Variants in HDAC2 observed in about 807,000 individuals in gnomAD.
HDAC2 encodes YY1-associated factor 1.
In HDAC2, 5 loss-of-function variants were observed where a neutral mutation model predicts 68.5. The observed-to-expected ratio is 0.07, with a 90% confidence interval of 0.04 to 0.15. The LOEUF is 0.15. Ranked by LOEUF, HDAC2 falls within the 10% of genes least tolerant of loss-of-function variation. The pLI, the probability that HDAC2 is intolerant of heterozygous loss-of-function variation, is 1.00. For synonymous variants in HDAC2, 182 were observed against 191.3 expected (o/e 0.95, Z 0.40); for missense variants, 291 against 600.8 (o/e 0.48, Z 5.39).
intron 8 of HDAC2, chr6:113,948,675 C>A: frequency 3.8e-6 from 1 of 263,590 alleles, no homozygotes; most frequent in Non-Finnish European, 7.1e-6. Context: ...ATAAATAATC[C>A]AATTAAGTAA....
At chr6:113,946,256 T>C in intron 8 of HDAC2, 108 bp from the exon 9 acceptor site, 1 of 797,514 alleles carries the variant, frequency 1.3e-6, no homozygotes, top group Non-Finnish European at 1.9e-6. Context: ...AAAATGGGTT[T>C]TCTAAATATT....
chr6:113,959,594 T>C (rs1157923483), intron 2 of HDAC2: 1 of 134,330 alleles, frequency 7.4e-6, no homozygotes, highest in African/African-American at 3.1e-5. Flanking sequence ...TAACAATTAT[T>C]GTAAAAAAAA....
chr6:113,941,111 A>T (rs765617422), intron 13 of HDAC2, 23 bp from the exon 14 acceptor site: 6 of 1,600,100 alleles, frequency 3.7e-6, no homozygotes, highest in Non-Finnish European at 5.1e-6. Context: ...GCAATGTGAA[A>T]TATTAAAAAT....
chr6:113,957,629 C>G (rs899902822), intron 3 of HDAC2, among the ~76,000 whole-genome samples: 2 of 151,952 alleles, frequency 1.3e-5, no homozygotes, highest in Non-Finnish European at 2.9e-5. Flanking sequence ...GGATTACAGG[C>G]GCGCACCACC....
rs1165912135 is a variant in HDAC2, at chr6:113,959,897, A to C, written c.165+9T>G. On this transcript the variant is annotated intron_variant, in intron 2 of 13. Coordinates refer to ENST00000519065, the MANE Select transcript of HDAC2 (RefSeq NM_001527.4). ...TCAGTGCTGAATATGTATTAAAAGG[A>C]ATACTCACATATATTTCCATTTTTC... is the stretch of plus-strand genomic sequence containing the variant. 1 of 1,111,804 alleles carries C rather than the reference A, an allele frequency of 9.0e-7. No homozygotes were observed. The highest frequency in any genetic ancestry group is 1.6e-5 in the African/African-American group (1 of 64,230). The allele number at this position is 1,111,804 out of a possible 1,614,324, so 68.9% of individuals were successfully genotyped here.
Position 113,937,178 on chromosome 6 carries a change from TTAC to T in HDAC2, c.*3877_*3879del, listed in dbSNP as rs1776020064. 1.3e-5 allele frequency: 2 copies of T among 152,136 alleles called. No homozygotes were observed. The highest frequency in any genetic ancestry group is 4.8e-5 in the African/African-American group (2 of 41,422). The allele number at this position is 152,136 out of a possible 1,614,324, so 9.4% of individuals were successfully genotyped here. A position where few individuals can be genotyped will look rare whatever the true frequency, so the allele number is the denominator to read the frequency against. On this transcript the variant is annotated 3_prime_UTR_variant, in exon 14 of 14. Coordinates refer to ENST00000519065, the MANE Select transcript of HDAC2 (RefSeq NM_001527.4). ...TGGAGATCCTAAGCTATTGAAATGA[TTAC>T]TACTTGTTTTCAAAAGCCCTTATCA...
chr6:113,940,072 G>T lies in HDAC2; in HGVS notation c.*986C>A, dbSNP rs996295373. ...TTAGTAGCAGGAGTTACCCCCATTT[G>T]TCTGCTTCCTGCTACTAGAATGTAA... On this transcript the variant is annotated 3_prime_UTR_variant, in exon 14 of 14. Coordinates refer to ENST00000519065, the MANE Select transcript of HDAC2 (RefSeq NM_001527.4). 4 of 152,144 alleles carry T rather than the reference G, an allele frequency of 2.6e-5. No homozygotes were observed. Among genetic ancestry groups the T allele is most frequent in the African/African-American group, 9.7e-5 (4 of 41,434 alleles). The allele number at this position is 152,144 out of a possible 1,614,324, so 9.4% of individuals were successfully genotyped here.
chr6:113,970,669 A>G, intron 1 of HDAC2, 188 bp downstream of exon 1: 1 of 1,315,152 alleles, frequency 7.6e-7, no homozygotes, highest in Non-Finnish European at 9.7e-7. Flanking sequence ...GCCCGCAGGA[A>G]CCGCGGGGGC....
chr6:113,959,413 T>C (rs977836421), intron 2 of HDAC2, among the ~76,000 whole-genome samples: 2 of 152,010 alleles, frequency 1.3e-5, no homozygotes, highest in Non-Finnish European at 2.9e-5. Context: ...CATCTTTATC[T>C]ACAAAAACAT....
intron 12 of HDAC2, 31 bp downstream of exon 12, chr6:113,943,316 CAATT>C: frequency 6.5e-7 from 1 of 1,549,414 alleles, no homozygotes; most frequent in Non-Finnish European, 8.7e-7. Flanking sequence ...TTAAAATTTA[CAATT>C]AAAACACAAT....
In HDAC2 at chr6:113,970,932, C is replaced by T; in HGVS notation, c.-24G>A. 2 of 1,552,564 alleles carry T rather than the reference C, an allele frequency of 1.3e-6. No individual in the cohort carries two copies. Among genetic ancestry groups the T allele is most frequent in the Non-Finnish European group, 1.7e-6 (2 of 1,148,166 alleles). On this transcript the variant is annotated 5_prime_UTR_variant, in exon 1 of 14. In the 5' UTR this introduces an upstream ATG that the reference lacks. Transcript: ENST00000519065. ...ATGGGCTCCCCGGCCACCGCCGCCA[C>T]CGGGCTCCTCCTCCTGCTGCTGCTG...
chr6:113,948,109 T>C (rs1296657661), intron 8 of HDAC2: 2 of 152,230 alleles, frequency 1.3e-5, no homozygotes, highest in African/African-American at 4.8e-5. Flanking sequence ...GGTGATATTT[T>C]GCTTTGGCCT....
chr6:113,967,584 G>GTA (rs761974157), intron 1 of HDAC2, among the ~76,000 whole-genome samples: 4 of 152,128 alleles, frequency 2.6e-5, no homozygotes, highest in Non-Finnish European at 5.9e-5. Flanking sequence ...CATAAATTAG[G>GTA]TATATAAACC....
intron 6 of HDAC2, 164 bp from the exon 7 acceptor site, chr6:113,949,424 T>C: frequency 1.6e-6 from 1 of 613,314 alleles, no homozygotes; most frequent in Non-Finnish European, 2.9e-6. Flanking sequence ...AAGGAAATAA[T>C]AAACAACAAA....
chr6:113,960,960 C>T (rs183000588), intron 1 of HDAC2, among the ~76,000 whole-genome samples: 109 of 152,142 alleles, frequency 7.2e-4, no homozygotes, highest in Non-Finnish European at 1.2e-3. Flanking sequence ...ACTGCATTTG[C>T]ATTGTATTAG....
chr6:113,962,732 G>A (rs1776715661), intron 1 of HDAC2, among the ~76,000 whole-genome samples: 1 of 152,058 alleles, frequency 6.6e-6, no homozygotes, highest in African/African-American at 2.4e-5. Context: ...GGGAGGCCGA[G>A]GCGGGCAGAT....
chr6:113,962,182 T>G (rs1320491623), intron 1 of HDAC2, among the ~76,000 whole-genome samples: 2 of 152,130 alleles, frequency 1.3e-5, no homozygotes, highest in African/African-American at 4.8e-5. Flanking sequence ...AATAACCTTA[T>G]GATGTGGGTA....
chr6:113,963,235 C>G (rs758989438), intron 1 of HDAC2, among the ~76,000 whole-genome samples: 15 of 151,904 alleles, frequency 9.9e-5, no homozygotes, highest in Middle Eastern at 6.8e-3. Context: ...AAGCGCCCAC[C>G]ACCATACCCG....
In HDAC2 at chr6:113,943,361, G is replaced by A. The variant is rs1236366553; in HGVS notation, c.1368C>T (p.Asp456=). Reference sequence around the variant, plus strand: ...AGAAACAAATCTGACCTGTTTTTTTGTCCTCTGTTTCTTTCTTATCTTCTT... The same window carrying A: ...AGAAACAAATCTGACCTGTTTTTTTATCCTCTGTTTCTTTCTTATCTTCTT... The part of the protein sequence containing the change: ...RIEEDKKETE[D]KKTDVKEEDK... Residue 456 remains aspartate (D), a synonymous_variant, in exon 12 of 14, where the codon GAC becomes GAT. Transcript: ENST00000519065. 6 of 1,587,852 alleles carry A rather than the reference G, an allele frequency of 3.8e-6. No homozygotes were observed. The highest frequency in any genetic ancestry group is 5.1e-6 in the Non-Finnish European group (6 of 1,171,996).
Sources: allele counts gnomAD v4.1 joint callset (sites outside exome capture counted in the v4.1 genomes callset), GRCh38; gene constraint gnomAD v4.1.1; transcripts MANE v1.5; gene names NCBI Gene and HGNC (gene_info 2026-07-23, HGNC 2026-07-21).